Variants in MCTP1 observed in about 807,000 individuals in gnomAD.
MCTP1 encodes the protein multiple C2 and transmembrane domain-containing protein 1.
MCTP1 carries 69 observed loss-of-function variants against 120.6 expected under a neutral mutation model. The observed-to-expected ratio is 0.57, with a 90% confidence interval of 0.47 to 0.70. The LOEUF (loss-of-function observed/expected upper bound fraction) is 0.70. MCTP1 is among the 30% of genes least tolerant of loss of function. The pLI, the probability that MCTP1 is intolerant of heterozygous loss-of-function variation, is 0.00. For synonymous variants in MCTP1, 529 were observed against 493.1 expected, an observed-to-expected ratio of 1.07 and a Z score of -0.96; for missense variants, 1,203 against 1,248.8, an observed-to-expected ratio of 0.96 and a Z score of 0.55.
chr5:95,005,744 G>A (rs1313830581), intron 2 of MCTP1, among the ~76,000 whole-genome samples: 4 of 145,160 alleles, frequency 2.8e-5, no homozygotes, highest in African/African-American at 1.0e-4. Context: ...AGAACCATGA[G>A]CCAATGGAAC....
chr5:94,945,133 C>T (rs972341262), intron 3 of MCTP1, among the ~76,000 whole-genome samples: 1 of 152,104 alleles, frequency 6.6e-6, no homozygotes, highest in African/African-American at 2.4e-5. Context: ...ATGTCTTAGG[C>T]ACCCACTCTA....
chr5:94,843,482 G>A (rs113482383), intron 17 of MCTP1, among the ~76,000 whole-genome samples: 3 of 152,310 alleles, frequency 2.0e-5, no homozygotes, highest in South Asian at 2.1e-4. Flanking sequence ...GGAATACATG[G>A]GTGGGATAAG....
At chr5:94,860,175 A>G (rs1254425900) in intron 17 of MCTP1, among the ~76,000 whole-genome samples, 1 of 151,746 alleles carries the variant, frequency 6.6e-6, no homozygotes, top group Non-Finnish European at 1.5e-5. Flanking sequence ...CTCTCCTATT[A>G]TAAATCCTTT....
At chr5:94,749,366 T>C (rs1767683876) in intron 19 of MCTP1, among the ~76,000 whole-genome samples, 1 of 151,996 alleles carries the variant, frequency 6.6e-6, no homozygotes. Flanking sequence ...ATTTAAAACA[T>C]CTTATCGGCC....
rs62365747 is a variant in MCTP1, at chr5:94,847,678, G to A, written c.2436+20655C>T. 7.1e-3 allele frequency among the ~76,000 whole-genome samples: 929 copies of A among 130,422 alleles called. 4 individuals carry two copies. Among genetic ancestry groups the A allele is most frequent in the African/African-American group, 0.017 (551 of 32,698 alleles). The allele number at this position is 130,422 out of a possible 152,430, so 85.6% of individuals were successfully genotyped here. A position where few individuals can be genotyped will look rare whatever the true frequency, so the allele number is the denominator to read the frequency against. On this transcript the variant is annotated intron_variant, in intron 17 of 22. Transcript: ENST00000515393. ...TGTGTGTGTGTGTGTGTGTGTGTGT[G>A]TGTGTATATATATATATATATATAT...
At chr5:94,777,026 T>A (rs780683101) in intron 19 of MCTP1, among the ~76,000 whole-genome samples, 3 of 152,038 alleles carry the variant, frequency 2.0e-5, no homozygotes, top group Non-Finnish European at 4.4e-5. Flanking sequence ...CAGATATGAT[T>A]TTTATGCTAT....
chr5:94,812,774 TA>T (rs34926852), intron 17 of MCTP1, among the ~76,000 whole-genome samples: 70,398 of 142,368 alleles, frequency 0.49, 20,178 homozygotes, highest in Non-Finnish European at 0.67. Context: ...CCTTGCCTCT[TA>T]AAAAAAAAAA....
In MCTP1 at chr5:94,706,578, G is replaced by GTTTTTTTTTTTTTTTTT. The variant is rs145606617; in HGVS notation, c.*917_*918insAAAAAAAAAAAAAAAAA. On this transcript the variant is annotated 3_prime_UTR_variant, in exon 23 of 23. Coordinates refer to ENST00000515393, the MANE Select transcript of MCTP1 (RefSeq NM_024717.7). ...TTTCAGTAATCTAATGAGAAAGCAG[G>GTTTTTTTTTTTTTTTTT]TTTTTTTTTTCTCTGAGAGCACTTG... 1 of 146,670 alleles carries GTTTTTTTTTTTTTTTTT rather than the reference G, an allele frequency of 6.8e-6. No homozygotes were observed. The allele number at this position is 146,670 out of a possible 1,614,324, so 9.1% of individuals were successfully genotyped here.
chr5:95,064,669 G>T (rs1172167317), intron 1 of MCTP1, among the ~76,000 whole-genome samples: 1 of 152,122 alleles, frequency 6.6e-6, no homozygotes, highest in Non-Finnish European at 1.5e-5. Flanking sequence ...GAGAAATTCT[G>T]GGGTACACTC....
At chr5:95,245,425 C>T (rs1431725784) in intron 1 of MCTP1, among the ~76,000 whole-genome samples, 1 of 152,026 alleles carries the variant, frequency 6.6e-6, no homozygotes, top group Non-Finnish European at 1.5e-5. Context: ...AACTAAAAAC[C>T]TTGAAAAAAG....
At chr5:94,770,813 A>C (rs1316934318) in intron 19 of MCTP1, among the ~76,000 whole-genome samples, 1 of 152,230 alleles carries the variant, frequency 6.6e-6, no homozygotes, top group East Asian at 1.9e-4. Context: ...AGAGTTTTCA[A>C]AAGATGATTG....
intron 10 of MCTP1, among the ~76,000 whole-genome samples, 195 bp downstream of exon 10, chr5:94,909,056 C>T (rs1807722734): frequency 6.6e-6 from 1 of 152,018 alleles, no homozygotes; most frequent in African/African-American, 2.4e-5. Context: ...TAGCCTGTGT[C>T]CATCAACTGG....
intron 5 of MCTP1, among the ~76,000 whole-genome samples, chr5:94,934,161 A>G (rs1815534121): frequency 6.6e-6 from 1 of 151,788 alleles, no homozygotes; most frequent in Admixed American, 6.6e-5. Context: ...GTTAAGGTCG[A>G]TTCAATAAAA....
intron 19 of MCTP1, among the ~76,000 whole-genome samples, chr5:94,724,492 T>C (rs1320831188): frequency 6.7e-6 from 1 of 150,154 alleles, no homozygotes; most frequent in Non-Finnish European, 1.5e-5. Context: ...GTTCAAGCAA[T>C]CCTCCCACCT....
intron 1 of MCTP1, among the ~76,000 whole-genome samples, chr5:95,191,726 T>C (rs767172048): frequency 6.6e-6 from 1 of 152,036 alleles, no homozygotes; most frequent in Non-Finnish European, 1.5e-5. Flanking sequence ...GCATTTCAAC[T>C]AAGAATATAT....
intron 11 of MCTP1, among the ~76,000 whole-genome samples, chr5:94,889,202 A>C (rs1801988540): frequency 1.3e-5 from 2 of 152,172 alleles, no homozygotes; most frequent in Non-Finnish European, 2.9e-5. Flanking sequence ...TATTTATTTC[A>C]AAAGACTTAT....
chr5:95,048,790 T>C (rs1745182881), intron 1 of MCTP1, among the ~76,000 whole-genome samples: 2 of 152,100 alleles, frequency 1.3e-5, no homozygotes. Context: ...TCATCATCAG[T>C]CAGGGGCAGG....
At chr5:95,095,148 CG>C (rs1328708550) in intron 1 of MCTP1, among the ~76,000 whole-genome samples, 3 of 149,654 alleles carry the variant, frequency 2.0e-5, no homozygotes, top group Non-Finnish European at 4.4e-5. Flanking sequence ...CTCAGCCTCC[CG>C]AGTAGCTGGG....
intron 1 of MCTP1, among the ~76,000 whole-genome samples, chr5:95,213,257 T>A (rs1314883506): frequency 1.3e-5 from 2 of 152,110 alleles, no homozygotes; most frequent in Non-Finnish European, 2.9e-5. Flanking sequence ...TGAACTCCCA[T>A]TCACAATTGC....
Sources: gnomAD v4.1 joint callset for allele counts (sites outside exome capture counted in the v4.1 genomes callset) on GRCh38, gnomAD v4.1.1 for gene constraint, MANE v1.5 for transcripts, NCBI Gene and HGNC (gene_info 2026-07-23, HGNC 2026-07-21) for gene names.